Variants in MDM1 observed in about 807,000 individuals in gnomAD.
MDM1 encodes Mdm1 nuclear protein.
In MDM1, 61 loss-of-function variants were observed where a neutral mutation model predicts 89.1. The observed-to-expected ratio is 0.68, with a 90% CI of 0.56 to 0.85. The LOEUF is 0.85. MDM1 is among the 40% of genes least tolerant of loss of function. MDM1 has a pLI of 0.00. For missense variants in MDM1, 820 were observed against 846.5 expected (o/e 0.97, Z 0.39); for synonymous variants, 290 against 294.1 (o/e 0.99, Z 0.14).
intron 13 of MDM1, among the ~76,000 whole-genome samples, chr12:68,302,291 C>T (rs543331199): frequency 9.9e-5 from 15 of 152,254 alleles, no homozygotes; most frequent in Admixed American, 2.0e-4. Context: ...GAATTCTACA[C>T]CCAGGCAACA....
rs1875184385 is a variant in MDM1, at chr12:68,321,264, T to C, written c.1005+83A>G. 2.9e-6 allele frequency: 3 copies of C among 1,017,248 alleles called. No individual in the cohort carries two copies. The South Asian group carries it at 4.9e-5, about 17-fold the overall frequency. The allele number at this position is 1,017,248 out of a possible 1,614,324, so 63.0% of individuals were successfully genotyped here. A position where few individuals can be genotyped will look rare whatever the true frequency, so the allele number is the denominator to read the frequency against. ...TACTTCTTTAAATTGTGGTCTCTAT[T>C]ACCAAAAGGAACTCGTTGTGAAATT... is the stretch of plus-strand genomic sequence containing the variant. On this transcript the variant is annotated intron_variant, in intron 7 of 14. Transcript: ENST00000682720.
At chr12:68,326,517 T>G in intron 3 of MDM1, 140 bp downstream of exon 3, 1 of 1,575,754 alleles carries the variant, frequency 6.3e-7, no homozygotes, top group Non-Finnish European at 8.6e-7. Context: ...CAACAGCCTG[T>G]TATCAACTAT....
chr12:68,330,875 C>G, intron 2 of MDM1: 1 of 500,926 alleles, frequency 2.0e-6, no homozygotes, highest in East Asian at 3.2e-5. Flanking sequence ...TGATGGAGGC[C>G]TCCATTAGTG....
chr12:68,328,733 G>C (rs1876367789), intron 2 of MDM1, among the ~76,000 whole-genome samples: 1 of 152,094 alleles, frequency 6.6e-6, no homozygotes, highest in South Asian at 2.1e-4. Flanking sequence ...AGATTCTCAA[G>C]TGGTCTGCCG....
At position 68,302,628 on chromosome 12, in the gene MDM1, T is replaced by C. The variant is rs759710861; in HGVS notation, c.1994A>G (p.Gln665Arg). ...AAAACCAAAATAATTACCATTGTGCTGAAACTCTGGATCTCTAAGAGAGCC... is the reference window on the plus strand; with the variant it reads ...AAAACCAAAATAATTACCATTGTGCCGAAACTCTGGATCTCTAAGAGAGCC... ...IQGSLRDPEF[Q>R]HNVGKARMNN... The change falls in exon 13 of 15, where the codon CAG (glutamine) becomes CGG (arginine). Residue 665 changes from glutamine (Q) to arginine (R), a missense_variant. Coordinates refer to ENST00000682720, the MANE Select transcript of MDM1 (RefSeq NM_001354969.2). The C allele has an allele frequency of 2.5e-6, 4 of 1,611,736 alleles. No homozygotes were observed. The highest frequency in any genetic ancestry group is 3.4e-6 in the Non-Finnish European group (4 of 1,178,824).
chr12:68,331,334 T>G (rs1369755715), intron 1 of MDM1, 113 bp from the exon 2 acceptor site: 1 of 720,462 alleles, frequency 1.4e-6, no homozygotes, highest in Non-Finnish European at 2.5e-6. Flanking sequence ...AGACTGAAAA[T>G]TAAACACAGA....
rs1322104761 is a variant in MDM1 at position 68,330,992 on chromosome 12, T to C, written c.133+115A>G. 7.4e-6 allele frequency: 5 copies of C among 674,140 alleles called. No individual in the cohort carries two copies. The African/African-American group carries it at 9.0e-5, about 12-fold the overall frequency. 41.8% of individuals were successfully genotyped at this position (674,140 alleles called of 1,614,324 possible). A position where few individuals can be genotyped will look rare whatever the true frequency, so the allele number is the denominator to read the frequency against. The stretch of plus-strand genomic sequence containing the variant: ...TAAATCAACCAGGCCAACTGAACTT[T>C]TAATATATCATTTGGTAAACTTAGC... On this transcript the variant is annotated intron_variant, in intron 2 of 14. Coordinates refer to ENST00000682720, the MANE Select transcript of MDM1 (RefSeq NM_001354969.2).
At chr12:68,296,622 G>A (rs1208172951) in intron 14 of MDM1, among the ~76,000 whole-genome samples, 1 of 152,128 alleles carries the variant, frequency 6.6e-6, no homozygotes, top group Non-Finnish European at 1.5e-5. Flanking sequence ...TGTAACACTA[G>A]GCCAAATTCC....
At chr12:68,323,287 G>T in intron 4 of MDM1, 47 bp from the exon 5 acceptor site, 1 of 1,384,540 alleles carries the variant, frequency 7.2e-7, no homozygotes, top group Non-Finnish European at 9.8e-7. Context: ...TTAAATATGC[G>T]GAACTTTGGT....
chr12:68,322,926 G>A lies in MDM1; in HGVS notation c.801+147C>T, dbSNP rs556367649. ...CAGTACCAACCCATGTCTGCTCCTA[G>A]TAGCTGGCTCAATGAACATTTGATG... is the stretch of plus-strand genomic sequence containing the variant. On this transcript the variant is annotated intron_variant, in intron 5 of 14. Coordinates refer to ENST00000682720, the MANE Select transcript of MDM1 (RefSeq NM_001354969.2). 159 of 704,386 alleles carry A rather than the reference G, an allele frequency of 2.3e-4. 2 individuals carry two copies. In the South Asian group the frequency reaches 2.6e-3, roughly 12 times the overall value. The allele number at this position is 704,386 out of a possible 1,614,324, so 43.6% of individuals were successfully genotyped here.
intron 12 of MDM1, among the ~76,000 whole-genome samples, chr12:68,307,070 T>A (rs1001107350): frequency 6.6e-6 from 1 of 152,238 alleles, no homozygotes; most frequent in Non-Finnish European, 1.5e-5. Context: ...GAGGCCATTA[T>A]TCTAATTGAA....
At chr12:68,311,627 C>G (rs1310391600) in intron 12 of MDM1, among the ~76,000 whole-genome samples, 1 of 152,200 alleles carries the variant, frequency 6.6e-6, no homozygotes, top group Non-Finnish European at 1.5e-5. Context: ...GAGCATCTTT[C>G]CAACAACTTT....
At chr12:68,315,908 CA>C (rs1451200341) in intron 9 of MDM1, among the ~76,000 whole-genome samples, 169 bp downstream of exon 9, 3 of 152,178 alleles carry the variant, frequency 2.0e-5, no homozygotes, top group South Asian at 4.2e-4. Flanking sequence ...ATAAATAAAG[CA>C]ATCTACATTG....
intron 5 of MDM1, 70 bp downstream of exon 5, chr12:68,323,003 A>G (rs947768369): frequency 2.0e-6 from 3 of 1,477,336 alleles, no homozygotes; most frequent in African/African-American, 2.9e-5. Flanking sequence ...GGTGGTAGTA[A>G]GTAAACGAAA....
intron 4 of MDM1, chr12:68,324,856 T>C (rs1875730921): frequency 3.4e-6 from 1 of 297,860 alleles, no homozygotes; most frequent in Non-Finnish European, 5.0e-6. Flanking sequence ...GACTATCTAT[T>C]AGTAATGGTA....
At chr12:68,320,842 TC>T (rs1875130778) in intron 7 of MDM1, 1 of 152,324 alleles carries the variant, frequency 6.6e-6, no homozygotes, top group South Asian at 2.1e-4. Context: ...ACCCTTCCCT[TC>T]AAACCTATCT....
At chr12:68,307,656 G>A (rs1275887159) in intron 12 of MDM1, among the ~76,000 whole-genome samples, 1 of 151,660 alleles carries the variant, frequency 6.6e-6, no homozygotes, top group Non-Finnish European at 1.5e-5. Context: ...GCAAAAAATG[G>A]GCCAGATGTG....
chr12:68,331,311 CAA>C lies in MDM1; in HGVS notation c.19-92_19-91del, dbSNP rs1410813324. 3.0e-5 allele frequency: 24 copies of C among 797,762 alleles called. No homozygotes were observed. In the African/African-American group the frequency reaches 3.6e-4, roughly 12 times the overall value. 49.4% of individuals were successfully genotyped at this position (797,762 alleles called of 1,614,324 possible). ...GGTGAAAAATAATTTCTGAACCTCCCAAAAGAGACTTAAGACTGAAAATTAAA... is the reference window on the plus strand; with the variant it reads ...GGTGAAAAATAATTTCTGAACCTCCCAAGAGACTTAAGACTGAAAATTAAA... On this transcript the variant is annotated intron_variant, in intron 1 of 14. Coordinates refer to ENST00000682720, the MANE Select transcript of MDM1 (RefSeq NM_001354969.2).
rs35426557 is a variant in MDM1 at position 68,302,881 on chromosome 12, C to CAAAA, written c.1750-13_1750-10dup. ...ACAGCACGACTTTCTTTCTAAATGA[C>CAAAA]AAAAAAAAAAAAAAAAAAAAGATGC... is the stretch of plus-strand genomic sequence containing the variant. On this transcript the variant is annotated splice_polypyrimidine_tract_variant and intron_variant, in intron 12 of 14. Coordinates refer to ENST00000682720, the MANE Select transcript of MDM1 (RefSeq NM_001354969.2). 3.0e-4 allele frequency: 337 copies of CAAAA among 1,105,228 alleles called. 3 individuals carry two copies. Among genetic ancestry groups the CAAAA allele is most frequent in the East Asian group, 5.6e-4 (17 of 30,340 alleles). 68.5% of individuals were successfully genotyped at this position (1,105,228 alleles called of 1,614,324 possible). A position where few individuals can be genotyped will look rare whatever the true frequency, so the allele number is the denominator to read the frequency against.
Sources: allele counts gnomAD v4.1 joint callset (sites outside exome capture counted in the v4.1 genomes callset), GRCh38; gene constraint gnomAD v4.1.1; transcripts MANE v1.5; gene names NCBI Gene and HGNC (gene_info 2026-07-23, HGNC 2026-07-21).